Variants in HPSE2 observed in about 807,000 individuals in gnomAD.
The protein encoded by HPSE2 is heparanase 2 (inactive), also known as inactive heparanase-2.
Under a neutral mutation model 60.5 loss-of-function variants are expected in HPSE2, and 38 were observed. The ratio of observed to expected loss-of-function variants is 0.63; its 90% CI spans 0.48 to 0.82. The LOEUF is 0.82. Ranked by LOEUF, HPSE2 falls within the 40% of genes least tolerant of loss-of-function variation. HPSE2 has a pLI of 0.00. For missense variants in HPSE2, 713 were observed against 740.4 expected (o/e 0.96, Z 0.43); for synonymous variants, 295 against 293.2 (o/e 1.01, Z -0.06).
chr10:99,186,145 CACACACACAA>C (rs1848011889), intron 2 of HPSE2, among the ~76,000 whole-genome samples: 3 of 127,532 alleles, frequency 2.4e-5, no homozygotes, highest in African/African-American at 8.1e-5. Flanking sequence ...CACACACACA[CACACACACAA>C]GGCATATCAT....
At chr10:98,602,524 ATACAAAACTACAGTAATCAAGAGAT>A (rs1428117104) in intron 9 of HPSE2, among the ~76,000 whole-genome samples, 1 of 152,176 alleles carries the variant, frequency 6.6e-6, no homozygotes, top group African/African-American at 2.4e-5. Flanking sequence ...TCAAAGTTTA[ATACAAAACTACAGTAATCAAGAGAT>A]TATGGTATTG....
chr10:99,275,980 A>C, the HPSE2 span, among the ~76,000 whole-genome samples: 2 of 152,282 alleles, frequency 1.3e-5, no homozygotes, highest in Middle Eastern at 3.4e-3. Context: ...TCATGGACAT[A>C]GATAAGAAAA....
At chr10:98,577,536 CAA>C (rs1241782996) in intron 9 of HPSE2, among the ~76,000 whole-genome samples, 1 of 152,184 alleles carries the variant, frequency 6.6e-6, no homozygotes. Flanking sequence ...CCAGATCTCA[CAA>C]AAGTCCTCAT....
the HPSE2 span, among the ~76,000 whole-genome samples, chr10:99,246,947 T>C: frequency 2.6e-5 from 4 of 152,244 alleles, no homozygotes; most frequent in East Asian, 7.7e-4. Flanking sequence ...ATGTTTGAAA[T>C]TCCCCCAACT....
intron 3 of HPSE2, among the ~76,000 whole-genome samples, chr10:98,774,046 G>C (rs142114414): frequency 2.6e-5 from 4 of 152,006 alleles, no homozygotes; most frequent in Admixed American, 2.0e-4. Flanking sequence ...TATGGGTGAC[G>C]GAGTGACATC....
intron 9 of HPSE2, among the ~76,000 whole-genome samples, chr10:98,562,526 C>T (rs1001841987): frequency 6.6e-6 from 1 of 151,880 alleles, no homozygotes; most frequent in African/African-American, 2.4e-5. Flanking sequence ...ACCATCCTGG[C>T]TAACAAGGTG....
At chr10:99,072,284 G>T (rs1277149377) in intron 3 of HPSE2, among the ~76,000 whole-genome samples, 1 of 152,024 alleles carries the variant, frequency 6.6e-6, no homozygotes, top group Non-Finnish European at 1.5e-5. Context: ...TGCAACTAAA[G>T]CAAAAATTGA....
chr10:99,009,083 A>G (rs1430322802), intron 3 of HPSE2, among the ~76,000 whole-genome samples: 2 of 151,960 alleles, frequency 1.3e-5, no homozygotes, highest in East Asian at 3.9e-4. Flanking sequence ...TCAGTGCAAA[A>G]GCTTTTAGAA....
At chr10:98,958,643 T>C (rs1016458076) in intron 3 of HPSE2, among the ~76,000 whole-genome samples, 3 of 152,086 alleles carry the variant, frequency 2.0e-5, no homozygotes, top group Non-Finnish European at 4.4e-5. Flanking sequence ...TTAAATTTCT[T>C]GCCAAGACCT....
chr10:98,496,367 G>A (rs1005816339), intron 9 of HPSE2, among the ~76,000 whole-genome samples: 3 of 152,178 alleles, frequency 2.0e-5, no homozygotes, highest in Non-Finnish European at 4.4e-5. Flanking sequence ...TTACATCAAT[G>A]GAGAGAGGTG....
chr10:98,720,592 C>G (rs1482624554), intron 5 of HPSE2, among the ~76,000 whole-genome samples: 1 of 152,064 alleles, frequency 6.6e-6, no homozygotes, highest in Non-Finnish European at 1.5e-5. Flanking sequence ...TGATCATATA[C>G]TTTGACCAAG....
intron 3 of HPSE2, among the ~76,000 whole-genome samples, chr10:98,755,575 A>T (rs1434249320): frequency 1.3e-5 from 2 of 152,216 alleles, no homozygotes; most frequent in Non-Finnish European, 2.9e-5. Context: ...CATTCTTCTC[A>T]TTTGCACATG....
intron 3 of HPSE2, among the ~76,000 whole-genome samples, chr10:98,943,029 T>A (rs369006891): frequency 3.8e-4 from 51 of 135,932 alleles, no homozygotes; most frequent in Admixed American, 6.1e-4. Context: ...GGAATTGAAC[T>A]ATGAGAACAC....
At chr10:98,768,044 G>A (rs1221670256) in intron 3 of HPSE2, among the ~76,000 whole-genome samples, 1 of 151,558 alleles carries the variant, frequency 6.6e-6, no homozygotes, top group Non-Finnish European at 1.5e-5. Context: ...TAAAAATTCA[G>A]GATACTTTAC....
chr10:98,521,079 G>A (rs1203041331), intron 9 of HPSE2, among the ~76,000 whole-genome samples: 1 of 152,094 alleles, frequency 6.6e-6, no homozygotes, highest in Non-Finnish European at 1.5e-5. Context: ...CATTGGCATG[G>A]GCAAGGACTT....
At chr10:98,826,965 T>C (rs563625174) in intron 3 of HPSE2, among the ~76,000 whole-genome samples, 57 of 151,922 alleles carry the variant, frequency 3.8e-4, no homozygotes, top group Non-Finnish European at 6.6e-4. Context: ...CTGGGCAACA[T>C]AGGAAGACCT....
chr10:98,826,533 G>A (rs1027086987), intron 3 of HPSE2, among the ~76,000 whole-genome samples: 1 of 152,140 alleles, frequency 6.6e-6, no homozygotes, highest in African/African-American at 2.4e-5. Context: ...TCAAGTAATA[G>A]AATATTCCAG....
chr10:98,599,165 G>A (rs968437099), intron 9 of HPSE2, among the ~76,000 whole-genome samples: 6 of 152,160 alleles, frequency 3.9e-5, no homozygotes, highest in African/African-American at 1.4e-4. Flanking sequence ...CTTGGCACTG[G>A]GCATGCCCAG....
chr10:98,816,327 G>C (rs1030689622), intron 3 of HPSE2, among the ~76,000 whole-genome samples: 3 of 152,066 alleles, frequency 2.0e-5, no homozygotes, highest in Non-Finnish European at 4.4e-5. Context: ...CCTGGGAGCT[G>C]AGCTTCCAGT....
Sources: allele counts gnomAD v4.1 joint callset (sites outside exome capture counted in the v4.1 genomes callset), GRCh38; gene constraint gnomAD v4.1.1; transcripts MANE v1.5; gene names NCBI Gene and HGNC (gene_info 2026-07-23, HGNC 2026-07-21).